ARFGEF3: variants seen among roughly 807,000 people sequenced by gnomAD.
ARFGEF3 encodes the protein brefeldin A-inhibited guanine nucleotide-exchange protein 3.
A neutral mutation model predicts 221.7 loss-of-function variants in ARFGEF3; 96 were observed. That is an observed-to-expected ratio of 0.43 (90% CI 0.37 to 0.51). The LOEUF (loss-of-function observed/expected upper bound fraction) is 0.51, where lower values mean the gene tolerates loss of function less well. Among genes scored for constraint, ARFGEF3 ranks in the 20% least tolerant of loss-of-function variants. The pLI is 0.00. For synonymous variants in ARFGEF3, 1,145 were observed against 1,126.8 expected (o/e 1.02, Z -0.32); for missense variants, 2,410 against 2,789.9 (o/e 0.86, Z 3.07).
At chr6:138,167,961 CT>C (rs934085301) in intron 1 of ARFGEF3, among the ~76,000 whole-genome samples, 1 of 152,200 alleles carries the variant, frequency 6.6e-6, no homozygotes, top group Non-Finnish European at 1.5e-5. Context: ...GGTCATCCCC[CT>C]CTGAGACCCT....
chr6:138,250,089 G>A (rs987245377), intron 8 of ARFGEF3, among the ~76,000 whole-genome samples: 1 of 152,078 alleles, frequency 6.6e-6, no homozygotes, highest in Non-Finnish European at 1.5e-5. Context: ...CTCTGAATAG[G>A]CGATTCCTCT....
chr6:138,168,811 C>T (rs911240464), intron 1 of ARFGEF3, among the ~76,000 whole-genome samples: 2 of 152,222 alleles, frequency 1.3e-5, no homozygotes, highest in Non-Finnish European at 2.9e-5. Flanking sequence ...ACAGTAGGAC[C>T]TCCTGTTCCA....
At chr6:138,289,013 G>T (rs1779349537) in intron 17 of ARFGEF3, among the ~76,000 whole-genome samples, 3 of 152,154 alleles carry the variant, frequency 2.0e-5, no homozygotes, top group Admixed American at 2.0e-4. Flanking sequence ...GAGAGCAATG[G>T]CACCATCTCG....
chr6:138,243,675 T>G (rs1444212925), intron 7 of ARFGEF3, among the ~76,000 whole-genome samples: 2 of 151,566 alleles, frequency 1.3e-5, no homozygotes, highest in East Asian at 3.9e-4. Context: ...CTATTATATG[T>G]GCCAGTTAAT....
At chr6:138,191,017 T>G (rs796686131) in intron 2 of ARFGEF3, among the ~76,000 whole-genome samples, 36 of 152,332 alleles carry the variant, frequency 2.4e-4, no homozygotes, top group African/African-American at 7.7e-4. Context: ...AGGAGCTTCA[T>G]GTCTTGGACT....
At chr6:138,331,275 C>A (rs575094507) in intron 32 of ARFGEF3, among the ~76,000 whole-genome samples, 1 of 152,342 alleles carries the variant, frequency 6.6e-6, no homozygotes, top group Admixed American at 6.5e-5. Flanking sequence ...ATATTAAATT[C>A]TTTCACCAAT....
At chr6:138,235,896 T>C (rs1473696181) in intron 5 of ARFGEF3, among the ~76,000 whole-genome samples, 3 of 152,226 alleles carry the variant, frequency 2.0e-5, no homozygotes, top group Non-Finnish European at 2.9e-5. Flanking sequence ...AATACTTTTT[T>C]TAGCTGAGTA....
At position 138,217,937 on chromosome 6, in the gene ARFGEF3, T is replaced by C. The variant is rs928026651; in HGVS notation, c.351+7896T>C. The C allele has an allele frequency of 3.9e-6, 6 of 1,539,870 alleles. No homozygotes were observed. The African/African-American group carries it at 6.9e-5, about 18-fold the overall frequency. ...AACAGTCATTGGTAGCAGAATTGCCTTTTCAACCATTTTTATTTTTCTGGA... is the reference window on the plus strand; with the variant it reads ...AACAGTCATTGGTAGCAGAATTGCCCTTTCAACCATTTTTATTTTTCTGGA... On this transcript the variant is annotated intron_variant, in intron 4 of 33. Transcript: ENST00000251691.
chr6:138,245,077 G>A (rs1778461369), intron 7 of ARFGEF3, among the ~76,000 whole-genome samples: 1 of 151,734 alleles, frequency 6.6e-6, no homozygotes, highest in Non-Finnish European at 1.5e-5. Context: ...CGAGGTGGGT[G>A]GATCACCTGA....
rs1238920403 is a variant in ARFGEF3, at chr6:138,291,976, C to T, written c.3291C>T (p.Ser1097=). The T allele has an allele frequency of 2.0e-6, 3 of 1,535,410 alleles. No homozygotes were observed. The highest frequency in any genetic ancestry group is 2.0e-5 in the Admixed American group (1 of 50,908). Residue 1097 remains serine, a synonymous_variant, in exon 19 of 34, where the codon TCC becomes TCT. Transcript: ENST00000251691. The surrounding 1 kb of genome is among the most constrained non-coding windows in gnomAD (Gnocchi z 4.5). The part of the protein sequence containing the change: ...LVREGSRGRA[S]DFRGGSLMSG... Reference sequence around the variant, plus strand: ...GGGAAGGCAGCCGGGGTCGGGCCTCCGACTTCCGCGGCGGGAGCCTCATGA... The same window carrying T: ...GGGAAGGCAGCCGGGGTCGGGCCTCTGACTTCCGCGGCGGGAGCCTCATGA...
At chr6:138,177,049 CACTTTT>C (rs2114441432) in intron 2 of ARFGEF3, among the ~76,000 whole-genome samples, 1 of 150,050 alleles carries the variant, frequency 6.7e-6, no homozygotes, top group Admixed American at 6.6e-5. Flanking sequence ...AAAATTCTTT[CACTTTT>C]ACTTTATTTA....
intron 24 of ARFGEF3, among the ~76,000 whole-genome samples, chr6:138,310,924 G>A (rs1293339811): frequency 2.0e-5 from 3 of 152,334 alleles, no homozygotes; most frequent in South Asian, 2.1e-4. Flanking sequence ...CGCACTGGCA[G>A]GGAAAGAAAT....
At chr6:138,286,597 C>T in intron 15 of ARFGEF3, 104 bp from the exon 16 acceptor site, 3 of 827,486 alleles carry the variant, frequency 3.6e-6, no homozygotes, top group Non-Finnish European at 6.1e-6. Flanking sequence ...TGTAGAATTG[C>T]ATGCAACTGA....
intron 12 of ARFGEF3, among the ~76,000 whole-genome samples, 158 bp from the exon 13 acceptor site, chr6:138,278,293 G>A (rs1344505664): frequency 6.6e-6 from 1 of 152,154 alleles, no homozygotes; most frequent in Non-Finnish European, 1.5e-5. Flanking sequence ...GCTGGGGTGT[G>A]TATCTGGCCC....
chr6:138,334,432 C>G lies in ARFGEF3; in HGVS notation c.5586C>G (p.Ile1862Met). 6.2e-7 allele frequency: 1 copy of G among 1,611,816 alleles called. No individual in the cohort carries two copies. Among genetic ancestry groups the G allele is most frequent in the Non-Finnish European group, 8.5e-7 (1 of 1,179,088 alleles). The change falls in exon 33 of 34, where the codon ATC (isoleucine) becomes ATG (methionine). Residue 1862 changes from isoleucine to methionine, a missense_variant. Coordinates refer to ENST00000251691, the MANE Select transcript of ARFGEF3 (RefSeq NM_020340.5). The surrounding 1 kb of genome is among the most constrained non-coding windows in gnomAD (Gnocchi z 5.1). ...AGTGTTCATCTGAGGATGAAGACAT[C>G]TTTGAGGAAACCGCCCAGGTCAGCC... The part of the protein sequence containing the change: ...SQQCSSEDED[I>M]FEETAQVSPP...
intron 4 of ARFGEF3, among the ~76,000 whole-genome samples, chr6:138,227,746 A>G (rs1778111387): frequency 6.6e-6 from 1 of 152,224 alleles, no homozygotes; most frequent in African/African-American, 2.4e-5. Flanking sequence ...TCTAATGAGA[A>G]GATTGCAAAT....
chr6:138,297,666 T>C (rs1307942417), intron 21 of ARFGEF3, among the ~76,000 whole-genome samples: 1 of 152,186 alleles, frequency 6.6e-6, no homozygotes, highest in Non-Finnish European at 1.5e-5. Context: ...AAAATAGCAA[T>C]GTAGTCATGG....
chr6:138,173,504 C>T (rs1776880729), intron 2 of ARFGEF3, among the ~76,000 whole-genome samples: 1 of 152,154 alleles, frequency 6.6e-6, no homozygotes, highest in Non-Finnish European at 1.5e-5. Context: ...GGTTTCTGCT[C>T]CACTGGCTGG....
chr6:138,292,168 C>A (rs1004296248), intron 19 of ARFGEF3, 115 bp downstream of exon 19: 1 of 886,540 alleles, frequency 1.1e-6, no homozygotes, highest in Non-Finnish European at 1.6e-6. Flanking sequence ...ACTTAAATCT[C>A]TTCCATCTTT....
Sources: allele counts gnomAD v4.1 joint callset (sites outside exome capture counted in the v4.1 genomes callset), GRCh38; gene constraint gnomAD v4.1.1; non-coding constraint Gnocchi (gnomAD v3.1); transcripts MANE v1.5; gene names NCBI Gene and HGNC (gene_info 2026-07-23, HGNC 2026-07-21).